CERT1: variants seen among roughly 807,000 people sequenced by gnomAD.
The protein encoded by CERT1 is ceramide transporter 1.
A neutral mutation model predicts 87.9 loss-of-function variants in CERT1; 31 were observed. The observed-to-expected ratio is 0.35, with a 90% CI of 0.27 to 0.48. The LOEUF is 0.48. CERT1 is among the 20% of genes least tolerant of loss of function. The probability of loss-of-function intolerance (pLI) is 0.99; values close to 1 mark genes in which losing one functional copy is unlikely to be tolerated. For synonymous variants in CERT1, 289 were observed against 250.9 expected, an observed-to-expected ratio of 1.15 and a Z score of -1.44; for missense variants, 487 against 758.0, an observed-to-expected ratio of 0.64 and a Z score of 4.20.
intron 12 of CERT1, 118 bp from the exon 13 acceptor site, chr5:75,386,152 CAT>C: frequency 2.7e-6 from 2 of 740,140 alleles, no homozygotes; most frequent in Non-Finnish European, 3.8e-6. Flanking sequence ...ATTTATAGAA[CAT>C]ATTCTGCTAA....
intron 2 of CERT1, among the ~76,000 whole-genome samples, chr5:75,459,962 CAAAAAAAAAAAAA>C (rs753591061): frequency 1.2e-4 from 3 of 25,552 alleles, no homozygotes; most frequent in Non-Finnish European, 1.6e-4. Flanking sequence ...TCCTCCGTCT[CAAAAAAAAAAAAA>C]AAAAAAAAAA....
At position 75,511,453 on chromosome 5, in the gene CERT1, C is replaced by G. The variant is rs1426623223; in HGVS notation, c.-246G>C. ...CCCTTCCAGCCGTCAGCCGCCGCCG[C>G]CGTCGCCGTGACCCCTGCGTTGCGC... On this transcript the variant is annotated 5_prime_UTR_variant, in exon 1 of 17. Coordinates refer to ENST00000643780, the MANE Select transcript of CERT1 (RefSeq NM_001379029.1). The G allele has an allele frequency of 6.5e-7, 1 of 1,531,280 alleles. No homozygotes were observed. Among genetic ancestry groups the G allele is most frequent in the Admixed American group, 2.0e-5 (1 of 49,662 alleles). 94.9% of individuals were successfully genotyped at this position (1,531,280 alleles called of 1,614,324 possible). A position where few individuals can be genotyped will look rare whatever the true frequency, so the allele number is the denominator to read the frequency against.
In CERT1 at chr5:75,505,974, G is replaced by A. The variant is rs781407661; in HGVS notation, c.231+8C>T. ...ATATTTGTTGAATGAAGAAGAAAAG[G>A]AACTTACTGTGATGACAGCCTTGCT... On this transcript the variant is annotated splice_region_variant and intron_variant, in intron 2 of 16. Coordinates refer to ENST00000643780, the MANE Select transcript of CERT1 (RefSeq NM_001379029.1). 1.1e-5 allele frequency: 17 copies of A among 1,610,530 alleles called. No individual in the cohort carries two copies. The highest frequency in any genetic ancestry group is 1.6e-4 in the Middle Eastern group (1 of 6,070).
At chr5:75,381,767 G>A (rs1204727864) in intron 15 of CERT1, among the ~76,000 whole-genome samples, 182 bp downstream of exon 15, 1 of 152,138 alleles carries the variant, frequency 6.6e-6, no homozygotes, top group Non-Finnish European at 1.5e-5. Flanking sequence ...ATGTTCATAG[G>A]CATGACTGTT....
intron 3 of CERT1, among the ~76,000 whole-genome samples, chr5:75,447,522 G>C (rs1287642631): frequency 6.6e-6 from 1 of 150,936 alleles, no homozygotes; most frequent in African/African-American, 2.4e-5. Context: ...CCAGGGTAGA[G>C]TGCAGTGGCG....
intron 5 of CERT1, among the ~76,000 whole-genome samples, chr5:75,423,613 T>C (rs919423079): frequency 2.2e-4 from 33 of 152,258 alleles, no homozygotes; most frequent in African/African-American, 7.9e-4. Context: ...TGACGGTGTA[T>C]GCCTGTAGTC....
chr5:75,370,329 A>C (rs1322030791), intron 17 of CERT1: 2 of 152,338 alleles, frequency 1.3e-5, no homozygotes, highest in East Asian at 3.9e-4. Context: ...TGGTTGTTCT[A>C]GGGCATAAAT....
At chr5:75,452,598 TA>T (rs1228668565) in intron 3 of CERT1, among the ~76,000 whole-genome samples, 4 of 152,052 alleles carry the variant, frequency 2.6e-5, no homozygotes, top group African/African-American at 7.2e-5. Context: ...TCCTATAATT[TA>T]AAAAAATAAT....
intron 8 of CERT1, among the ~76,000 whole-genome samples, chr5:75,403,292 T>C (rs560395015): frequency 7.2e-5 from 11 of 152,322 alleles, no homozygotes; most frequent in Admixed American, 6.5e-4. Context: ...CAATATTGTG[T>C]TGGGATAATA....
intron 2 of CERT1, among the ~76,000 whole-genome samples, chr5:75,477,647 T>TAAAAAAAAAAAAAAAAAAAAAAAA (rs540588442): frequency 5.6e-5 from 5 of 89,518 alleles, no homozygotes; most frequent in Admixed American, 1.3e-4. Context: ...TAATAAGTTG[T>TAAAAAAAAAAAAAAAAAAAAAAAA]AAAAAAAAAA....
intron 17 of CERT1, chr5:75,371,251 G>A (rs1449049410): frequency 6.6e-6 from 1 of 152,094 alleles, no homozygotes; most frequent in East Asian, 1.9e-4. Flanking sequence ...CACTCCCAAG[G>A]TACTTTAAAA....
chr5:75,465,911 T>C (rs1460315401), intron 2 of CERT1, among the ~76,000 whole-genome samples: 1 of 152,200 alleles, frequency 6.6e-6, no homozygotes, highest in African/African-American at 2.4e-5. Context: ...CATATGCCCA[T>C]ATGCTAACTA....
intron 2 of CERT1, among the ~76,000 whole-genome samples, chr5:75,471,771 A>AG (rs1038534695): frequency 2.0e-5 from 3 of 151,462 alleles, no homozygotes; most frequent in African/African-American, 7.3e-5. Context: ...AAAAAAAAAA[A>AG]AAAAGAAAAG....
intron 3 of CERT1, among the ~76,000 whole-genome samples, chr5:75,456,663 C>CAGAA (rs1764994963): frequency 2.9e-5 from 2 of 69,420 alleles, no homozygotes; most frequent in Admixed American, 1.8e-4. Context: ...GACCTCATCT[C>CAGAA]AAAAAAAAAA....
At chr5:75,492,575 AG>A (rs1335637199) in intron 2 of CERT1, among the ~76,000 whole-genome samples, 1 of 152,194 alleles carries the variant, frequency 6.6e-6, no homozygotes, top group Admixed American at 6.5e-5. Flanking sequence ...ACAAGCAGCC[AG>A]GTTGGTATAA....
chr5:75,487,664 G>A (rs1766586822), intron 2 of CERT1, among the ~76,000 whole-genome samples: 1 of 152,020 alleles, frequency 6.6e-6, no homozygotes, highest in Admixed American at 6.6e-5. Context: ...ATGGTTGAAA[G>A]ATCTGAATAG....
intron 3 of CERT1, among the ~76,000 whole-genome samples, chr5:75,427,436 TA>T (rs1189165226): frequency 1.3e-5 from 2 of 152,070 alleles, no homozygotes; most frequent in Non-Finnish European, 2.9e-5. Flanking sequence ...CTGTCTCTAC[TA>T]AAAATACAAA....
chr5:75,484,830 C>G (rs1210296944), intron 2 of CERT1, among the ~76,000 whole-genome samples: 1 of 151,938 alleles, frequency 6.6e-6, no homozygotes, highest in Non-Finnish European at 1.5e-5. Flanking sequence ...GACAGAAAAT[C>G]AAGAAACATC....
At chr5:75,451,125 G>T (rs1175304065) in intron 3 of CERT1, among the ~76,000 whole-genome samples, 1 of 152,066 alleles carries the variant, frequency 6.6e-6, no homozygotes, top group Non-Finnish European at 1.5e-5. Context: ...TTTCCTCTTT[G>T]ATTTCACCAA....
Sources: allele counts gnomAD v4.1 joint callset (sites outside exome capture counted in the v4.1 genomes callset), GRCh38; gene constraint gnomAD v4.1.1; transcripts MANE v1.5; gene names NCBI Gene and HGNC (gene_info 2026-07-23, HGNC 2026-07-21).